Variants in ZNF644 observed in about 807,000 individuals in gnomAD.
ZNF644 encodes zinc finger protein 644.
In ZNF644, 20 loss-of-function variants were observed where a neutral mutation model predicts 108.0. The ratio of observed to expected loss-of-function variants is 0.19; its 90% CI spans 0.13 to 0.27. The LOEUF is 0.27. Among genes scored for constraint, ZNF644 ranks in the 10% least tolerant of loss-of-function variants. The pLI, the probability that ZNF644 is intolerant of heterozygous loss-of-function variation, is 1.00. For missense variants in ZNF644, 1,338 were observed against 1,548.9 expected, an observed-to-expected ratio of 0.86 and a Z score of 2.29; for synonymous variants, 542 against 539.1, an observed-to-expected ratio of 1.01 and a Z score of -0.08.
At chr1:90,929,832 A>AGT (rs1650515109) in intron 4 of ZNF644, among the ~76,000 whole-genome samples, 1 of 152,220 alleles carries the variant, frequency 6.6e-6, no homozygotes, top group Non-Finnish European at 1.5e-5. Context: ...TTACACTTAA[A>AGT]AGTAAATGGT....
At chr1:90,954,987 A>G (rs1653603241) in intron 2 of ZNF644, among the ~76,000 whole-genome samples, 2 of 152,212 alleles carry the variant, frequency 1.3e-5, no homozygotes, top group South Asian at 2.1e-4. Context: ...TATGAAATGT[A>G]CTTAGTGACT....
intron 1 of ZNF644, among the ~76,000 whole-genome samples, chr1:91,012,747 A>C (rs555551379): frequency 6.6e-6 from 1 of 152,136 alleles, no homozygotes; most frequent in Admixed American, 6.5e-5. Context: ...GTAACCCAGT[A>C]CCTCCCACTA....
At position 90,916,432 on chromosome 1, in the gene ZNF644, G is replaced by A. The variant is rs543083601; in HGVS notation, c.*366C>T. ...TATCTTATTTTTCTATGCAAGTCTT[G>A]TGGGGAATAAACAGAGCCTTGATTC... On this transcript the variant is annotated 3_prime_UTR_variant, in exon 6 of 6. Coordinates refer to ENST00000337393, the MANE Select transcript of ZNF644 (RefSeq NM_201269.3). 75 of 210,106 alleles carry A rather than the reference G, an allele frequency of 3.6e-4. No individual in the cohort carries two copies. Among genetic ancestry groups the A allele is most frequent in the Admixed American group, 1.2e-3 (23 of 18,896 alleles). 13.0% of individuals were successfully genotyped at this position (210,106 alleles called of 1,614,324 possible).
rs559782936 is a variant in ZNF644, at chr1:90,965,070, G to A, written c.44+17240C>T. On this transcript the variant is annotated intron_variant, in intron 2 of 5. Transcript: ENST00000337393. Reference sequence around the variant, plus strand: ...TAAGTATGGGGAAGGAGTGAGGAGAGTAAGTTTTACTTTTTAGTTAATAAC... The same window carrying A: ...TAAGTATGGGGAAGGAGTGAGGAGAATAAGTTTTACTTTTTAGTTAATAAC... Among the ~76,000 whole-genome samples, 19 of 152,260 alleles carry A rather than the reference G, an allele frequency of 1.2e-4. No individual in the cohort carries two copies. The South Asian group carries it at 2.7e-3, about 22-fold the overall frequency.
chr1:90,989,669 A>T (rs1657450115), intron 1 of ZNF644, among the ~76,000 whole-genome samples: 1 of 152,232 alleles, frequency 6.6e-6, no homozygotes, highest in African/African-American at 2.4e-5. Flanking sequence ...AGGAAATAAC[A>T]AGTGTTGGCG....
At chr1:91,021,921 G>T in intron 1 of ZNF644, 69 bp downstream of exon 1, 1 of 399,268 alleles carries the variant, frequency 2.5e-6, no homozygotes, top group East Asian at 3.6e-5. Context: ...TCCCGCCGCT[G>T]CCACAGCCCA....
chr1:90,950,324 C>CAAAAGAAAAG (rs749730687), intron 2 of ZNF644, among the ~76,000 whole-genome samples: 7,457 of 63,246 alleles, frequency 0.12, 433 homozygotes, highest in East Asian at 0.33. Context: ...GAAAAGAAAA[C>CAAAAGAAAAG]AAAAGAAAAG....
At chr1:90,967,807 G>A (rs1258331082) in intron 2 of ZNF644, among the ~76,000 whole-genome samples, 1 of 151,616 alleles carries the variant, frequency 6.6e-6, no homozygotes, top group African/African-American at 2.4e-5. Flanking sequence ...CAGCACTTTG[G>A]GAGGTAGAGG....
At position 91,004,348 on chromosome 1, in the gene ZNF644, G is replaced by C. The variant is rs1383335948; in HGVS notation, c.-18+17642C>G. Among the ~76,000 whole-genome samples, 3 of 152,174 alleles carry C rather than the reference G, an allele frequency of 2.0e-5. No individual in the cohort carries two copies. In the South Asian group the frequency reaches 6.2e-4, roughly 32 times the overall value. ...AACTTGTCACAGACAAACAACTTTA[G>C]TAACATTAACAACTAATTTTTCATG... On this transcript the variant is annotated intron_variant, in intron 1 of 5. Transcript: ENST00000337393.
intron 1 of ZNF644, among the ~76,000 whole-genome samples, chr1:90,998,712 G>A (rs572638494): frequency 9.8e-5 from 15 of 152,326 alleles, no homozygotes; most frequent in South Asian, 2.1e-4. Flanking sequence ...TGACTTTGAC[G>A]AGTTGAGAGA....
In ZNF644 at chr1:90,916,359, G is replaced by A. The variant is rs190122740; in HGVS notation, c.*439C>T. The A allele has an allele frequency of 4.0e-5, 7 of 175,770 alleles. No individual in the cohort carries two copies. The East Asian group carries it at 4.7e-4, about 12-fold the overall frequency. 10.9% of individuals were successfully genotyped at this position (175,770 alleles called of 1,614,324 possible). ...CCTAATTTGAGTAAATTTAGTCAGCGGTTCTTGGTATTATACAAAACACTA... is the reference window on the plus strand; with the variant it reads ...CCTAATTTGAGTAAATTTAGTCAGCAGTTCTTGGTATTATACAAAACACTA... On this transcript the variant is annotated 3_prime_UTR_variant, in exon 6 of 6. Transcript: ENST00000337393.
intron 2 of ZNF644, among the ~76,000 whole-genome samples, chr1:90,974,883 T>C (rs188738551): frequency 3.0e-4 from 46 of 152,328 alleles, no homozygotes; most frequent in African/African-American, 9.6e-4. Flanking sequence ...TCTCGTCTAA[T>C]CTCTTGAGAC....
intron 2 of ZNF644, among the ~76,000 whole-genome samples, chr1:90,977,033 T>C (rs989041602): frequency 5.9e-5 from 9 of 151,436 alleles, no homozygotes; most frequent in African/African-American, 2.2e-4. Flanking sequence ...TTTTCTAGAA[T>C]TAAATACTTA....
rs182945781 is a variant in ZNF644 at position 90,946,553 on chromosome 1, A to T, written c.45-5244T>A. Among the ~76,000 whole-genome samples the T allele has an allele frequency of 8.1e-4, 123 of 152,258 alleles. 1 individual carries two copies. Among genetic ancestry groups the T allele is most frequent in the Admixed American group, 7.3e-3 (112 of 15,290 alleles). On this transcript the variant is annotated intron_variant, in intron 2 of 5. Coordinates refer to ENST00000337393, the MANE Select transcript of ZNF644 (RefSeq NM_201269.3). ...GAGCAAAAAACTGAAGAATTACACT[A>T]CTGAGCCTTAAAAGTATTCTTTAAA...
chr1:90,979,145 T>C (rs539971423), intron 2 of ZNF644, among the ~76,000 whole-genome samples: 1 of 152,272 alleles, frequency 6.6e-6, no homozygotes, highest in South Asian at 2.1e-4. Flanking sequence ...CAAAATGCTT[T>C]AAAATTTAAG....
Position 90,948,932 on chromosome 1 carries a change from ATC to A in ZNF644, c.45-7625_45-7624del, listed in dbSNP as rs1222689934. ...TCTTAAACTTCTGTAGATTTTAATAATCTGTCATTATAAAAGTTCCATAAATT... is the reference window on the plus strand; with the variant it reads ...TCTTAAACTTCTGTAGATTTTAATAATGTCATTATAAAAGTTCCATAAATT... On this transcript the variant is annotated intron_variant, in intron 2 of 5. Coordinates refer to ENST00000337393, the MANE Select transcript of ZNF644 (RefSeq NM_201269.3). Among the ~76,000 whole-genome samples, 27 of 152,340 alleles carry A rather than the reference ATC, an allele frequency of 1.8e-4. No homozygotes were observed. The East Asian group carries it at 3.5e-3, about 20-fold the overall frequency.
chr1:90,999,234 A>G lies in ZNF644; in HGVS notation c.-17-16864T>C, dbSNP rs558184515. The stretch of plus-strand genomic sequence containing the variant: ...CTCGAGAAGAGCAACTCCAAGACAC[A>G]TAATTGTCAGATTCACCAAAGTTGA... On this transcript the variant is annotated intron_variant, in intron 1 of 5. Coordinates refer to ENST00000337393, the MANE Select transcript of ZNF644 (RefSeq NM_201269.3). Among the ~76,000 whole-genome samples, 12 of 152,324 alleles carry G rather than the reference A, an allele frequency of 7.9e-5. No homozygotes were observed. The East Asian group carries it at 1.5e-3, about 20-fold the overall frequency.
At chr1:90,936,573 G>A (rs1651345561) in intron 4 of ZNF644, among the ~76,000 whole-genome samples, 1 of 152,100 alleles carries the variant, frequency 6.6e-6, no homozygotes, top group Non-Finnish European at 1.5e-5. Flanking sequence ...TTACAGTAAT[G>A]TTAGTCGTTA....
chr1:90,981,919 T>A (rs1395008361), intron 2 of ZNF644, among the ~76,000 whole-genome samples: 3 of 152,084 alleles, frequency 2.0e-5, no homozygotes, highest in African/African-American at 7.2e-5. Context: ...ACAAAAGCAA[T>A]GACTATTCAT....
Sources: allele counts gnomAD v4.1 joint callset (sites outside exome capture counted in the v4.1 genomes callset), GRCh38; gene constraint gnomAD v4.1.1; transcripts MANE v1.5; gene names NCBI Gene and HGNC (gene_info 2026-07-23, HGNC 2026-07-21).